Variants in CSMD1 observed in about 807,000 individuals in gnomAD.
The protein encoded by CSMD1 is CUB and Sushi multiple domains 1.
A neutral mutation model predicts 417.5 loss-of-function variants in CSMD1; 213 were observed. The observed-to-expected ratio is 0.51, with a 90% confidence interval of 0.46 to 0.57. CSMD1 has a LOEUF of 0.57. CSMD1 is among the 20% of genes least tolerant of loss of function. The pLI is 0.00. For missense variants in CSMD1, 6,923 were observed against 4,529.7 expected, an observed-to-expected ratio of 1.53 and a Z score of -15.17; for synonymous variants, 2,862 against 1,736.8, an observed-to-expected ratio of 1.65 and a Z score of -16.11.
At chr8:3,468,513 C>A (rs1816910443) in intron 12 of CSMD1, among the ~76,000 whole-genome samples, 199 bp downstream of exon 12, 1 of 152,156 alleles carries the variant, frequency 6.6e-6, no homozygotes, top group South Asian at 2.1e-4. Flanking sequence ...CATATCATGG[C>A]AAGCCGAGTT....
At chr8:3,418,111 T>C (rs1028232465) in intron 12 of CSMD1, among the ~76,000 whole-genome samples, 3 of 152,218 alleles carry the variant, frequency 2.0e-5, no homozygotes, top group African/African-American at 7.2e-5. Flanking sequence ...TTGCTTTTCA[T>C]ACAAATGTGC....
chr8:4,188,400 G>A (rs1403043330), intron 3 of CSMD1, among the ~76,000 whole-genome samples: 1 of 152,118 alleles, frequency 6.6e-6, no homozygotes, highest in Non-Finnish European at 1.5e-5. Context: ...GGAAACATTC[G>A]TATATTGCCT....
intron 8 of CSMD1, among the ~76,000 whole-genome samples, chr8:3,609,930 T>G (rs940983321): frequency 1.4e-5 from 2 of 142,878 alleles, no homozygotes; most frequent in Non-Finnish European, 3.0e-5. Flanking sequence ...GCCTCCCAAG[T>G]AGCTGGGACT....
At chr8:4,404,704 A>G (rs1441665990) in intron 3 of CSMD1, among the ~76,000 whole-genome samples, 1 of 152,020 alleles carries the variant, frequency 6.6e-6, no homozygotes, top group Admixed American at 6.6e-5. Flanking sequence ...ATTAATATTT[A>G]AATTTTACTT....
At chr8:4,574,443 G>A (rs897777515) in intron 2 of CSMD1, among the ~76,000 whole-genome samples, 2 of 152,094 alleles carry the variant, frequency 1.3e-5, no homozygotes, top group South Asian at 2.1e-4. Flanking sequence ...CTTACCCTCC[G>A]TGGGCTGCAC....
intron 3 of CSMD1, among the ~76,000 whole-genome samples, chr8:4,357,761 G>T (rs1461165853): frequency 6.6e-6 from 1 of 152,054 alleles, no homozygotes; most frequent in East Asian, 1.9e-4. Flanking sequence ...TATTGTAAAA[G>T]AAAAATGAAA....
intron 41 of CSMD1, among the ~76,000 whole-genome samples, chr8:3,126,453 T>G (rs935560742): frequency 6.6e-6 from 1 of 152,168 alleles, no homozygotes; most frequent in Non-Finnish European, 1.5e-5. Context: ...GGCTGCAGTT[T>G]ACATCAAGGT....
At chr8:4,469,950 C>A (rs1201804230) in intron 2 of CSMD1, among the ~76,000 whole-genome samples, 2 of 150,722 alleles carry the variant, frequency 1.3e-5, no homozygotes, top group African/African-American at 4.9e-5. Context: ...TCACTGCAAG[C>A]TCCACCTCCT....
rs1367203728 is a variant in CSMD1 at position 3,412,016 on chromosome 8, A to ACGTATGTATACGTG, written c.1562-2412_1562-2411insCACGTATACATACG. On this transcript the variant is annotated intron_variant, in intron 12 of 69. Transcript: ENST00000635120. Reference sequence around the variant, plus strand: ...CGTGTATATACACGTATATATATACATATACACACGTATATATACACATAT... The same window carrying ACGTATGTATACGTG: ...CGTGTATATACACGTATATATATACACGTATGTATACGTGTATACACACGTATATATACACATAT... Among the ~76,000 whole-genome samples the ACGTATGTATACGTG allele has an allele frequency of 4.4e-4, 4 of 9,178 alleles. 2 individuals carry two copies. Among genetic ancestry groups the ACGTATGTATACGTG allele is most frequent in the African/African-American group, 1.5e-3 (4 of 2,582 alleles). 6.0% of individuals were successfully genotyped at this position (9,178 alleles called of 152,430 possible).
chr8:4,780,861 T>C (rs1797119348), intron 1 of CSMD1, among the ~76,000 whole-genome samples: 1 of 152,204 alleles, frequency 6.6e-6, no homozygotes, highest in Non-Finnish European at 1.5e-5. Context: ...AAAACAATAA[T>C]CTCCAATCTC....
intron 3 of CSMD1, among the ~76,000 whole-genome samples, chr8:4,032,696 G>A (rs1019858058): frequency 4.6e-5 from 7 of 152,294 alleles, no homozygotes; most frequent in Non-Finnish European, 8.8e-5. Flanking sequence ...CCAGCAGCCA[G>A]GCTCTGTCCA....
chr8:4,848,665 G>A (rs1434832428), intron 1 of CSMD1, among the ~76,000 whole-genome samples: 1 of 151,626 alleles, frequency 6.6e-6, no homozygotes, highest in Admixed American at 6.6e-5. Flanking sequence ...TCTGCCTCTC[G>A]AGTAGCTGGG....
chr8:4,464,420 C>A (rs1440802186), intron 2 of CSMD1, among the ~76,000 whole-genome samples: 1 of 152,130 alleles, frequency 6.6e-6, no homozygotes, highest in Non-Finnish European at 1.5e-5. Context: ...CTTAGCCTTG[C>A]CTACCTTAAA....
chr8:3,209,247 G>C (rs1043651130), intron 30 of CSMD1, among the ~76,000 whole-genome samples: 1 of 151,954 alleles, frequency 6.6e-6, no homozygotes, highest in African/African-American at 2.4e-5. Flanking sequence ...AACAACATTT[G>C]TGTTAGAAAA....
chr8:3,345,154 C>G (rs924292917), intron 22 of CSMD1, among the ~76,000 whole-genome samples: 1 of 152,194 alleles, frequency 6.6e-6, no homozygotes, highest in Non-Finnish European at 1.5e-5. Flanking sequence ...GAAGCCCCTG[C>G]TGGGTCCTGA....
intron 5 of CSMD1, among the ~76,000 whole-genome samples, chr8:3,774,488 G>A (rs989858914): frequency 6.6e-6 from 1 of 152,158 alleles, no homozygotes; most frequent in East Asian, 1.9e-4. Context: ...ACAGAGAGAC[G>A]GTTAAATAAA....
At chr8:3,843,139 C>T (rs931807427) in intron 5 of CSMD1, among the ~76,000 whole-genome samples, 2 of 152,106 alleles carry the variant, frequency 1.3e-5, no homozygotes, top group Non-Finnish European at 1.5e-5. Flanking sequence ...CATAGCACAT[C>T]TAATGGAATC....
Position 4,252,363 on chromosome 8 carries a change from T to C in CSMD1, c.415+167590A>G, listed in dbSNP as rs189141647. Among the ~76,000 whole-genome samples, 167 of 152,318 alleles carry C rather than the reference T, an allele frequency of 1.1e-3. 2 individuals are homozygous for C. The highest frequency in any genetic ancestry group is 2.4e-3 in the African/African-American group (100 of 41,578). On this transcript the variant is annotated intron_variant, in intron 3 of 69. Coordinates refer to ENST00000635120, the MANE Select transcript of CSMD1 (RefSeq NM_033225.6). ...ATGTCATGCTAGCTTTTCTGTCCAATAGACGCTGAAGTTATGTATTGTCTT... is the reference window on the plus strand; with the variant it reads ...ATGTCATGCTAGCTTTTCTGTCCAACAGACGCTGAAGTTATGTATTGTCTT...
intron 48 of CSMD1, among the ~76,000 whole-genome samples, chr8:3,089,666 G>C (rs1389268287): frequency 1.3e-5 from 2 of 152,122 alleles, no homozygotes; most frequent in East Asian, 3.9e-4. Flanking sequence ...AGATCACTGA[G>C]TCATCAATTC....
Sources: allele counts gnomAD v4.1 joint callset (sites outside exome capture counted in the v4.1 genomes callset), GRCh38; gene constraint gnomAD v4.1.1; transcripts MANE v1.5; gene names NCBI Gene and HGNC (gene_info 2026-07-23, HGNC 2026-07-21).